NAALADL2: variants seen among roughly 807,000 people sequenced by gnomAD.
NAALADL2 encodes the protein inactive N-acetylated-alpha-linked acidic dipeptidase-like protein 2.
In NAALADL2, 76 loss-of-function variants were observed where a neutral mutation model predicts 87.2. That is an observed-to-expected ratio of 0.87 (90% CI 0.72 to 1.05). The LOEUF (loss-of-function observed/expected upper bound fraction) is 1.05. Ranked by LOEUF, NAALADL2 falls within the 50% of genes least tolerant of loss-of-function variation. The pLI is 0.00. For missense variants in NAALADL2, 1,089 were observed against 945.8 expected, an observed-to-expected ratio of 1.15 and a Z score of -1.99; for synonymous variants, 354 against 331.0, an observed-to-expected ratio of 1.07 and a Z score of -0.75.
rs191069882 is a variant in NAALADL2, at chr3:174,699,221, G to A, written c.-114-38420G>A. ...TAGTTAAATCTAAGGTGGTGGGCCG[G>A]GCACAGTGGCTCATGCCTGTAATCC... On this transcript the variant is annotated intron_variant, in intron 2 of 3. Coordinates refer to the NAALADL2 transcript ENST00000434257. Among the ~76,000 whole-genome samples the A allele has an allele frequency of 1.5e-3, 230 of 152,122 alleles. 3 individuals carry two copies. Among genetic ancestry groups the A allele is most frequent in the Admixed American group, 0.015 (227 of 15,282 alleles).
intron 1 of NAALADL2, among the ~76,000 whole-genome samples, chr3:174,954,085 G>T (rs946718147): frequency 3.3e-5 from 5 of 152,082 alleles, no homozygotes; most frequent in African/African-American, 1.2e-4. Context: ...GACCCCATTA[G>T]TGATGGCCCT....
chr3:175,760,890 C>T (rs1005443623), intron 13 of NAALADL2, among the ~76,000 whole-genome samples: 36 of 152,214 alleles, frequency 2.4e-4, no homozygotes, highest in Non-Finnish European at 1.6e-4. Context: ...TTTTTTAAAG[C>T]AGGTTTAGGC....
chr3:175,084,523 C>T (rs537235023), intron 1 of NAALADL2, among the ~76,000 whole-genome samples: 1 of 152,264 alleles, frequency 6.6e-6, no homozygotes, highest in African/African-American at 2.4e-5. Context: ...TTATTCATGC[C>T]TTAATTACAG....
chr3:175,714,362 C>T (rs1212663941), intron 11 of NAALADL2, among the ~76,000 whole-genome samples: 2 of 152,032 alleles, frequency 1.3e-5, no homozygotes, highest in African/African-American at 2.4e-5. Flanking sequence ...GTAAAAGCAT[C>T]CCTATTTCTC....
chr3:174,755,655 C>T (rs1447266227), intron 3 of NAALADL2, among the ~76,000 whole-genome samples: 3 of 152,140 alleles, frequency 2.0e-5, no homozygotes, highest in African/African-American at 7.2e-5. Context: ...GGACACATTT[C>T]CTCTTTCCCA....
intron 5 of NAALADL2, among the ~76,000 whole-genome samples, chr3:175,398,344 C>CTTTTTTTTTTTT (rs776575751): frequency 1.8e-5 from 2 of 112,090 alleles, no homozygotes; most frequent in African/African-American, 6.7e-5. Context: ...GCTTCTGCTA[C>CTTTTTTTTTTTT]TTTTTTTTTT....
chr3:174,625,994 G>A (rs1721535629), intron 2 of NAALADL2, among the ~76,000 whole-genome samples: 3 of 151,106 alleles, frequency 2.0e-5, no homozygotes, highest in Non-Finnish European at 4.4e-5. Context: ...TAATTAAAAT[G>A]TATTCAAATA....
intron 1 of NAALADL2, among the ~76,000 whole-genome samples, chr3:174,519,210 A>G (rs1362439227): frequency 6.6e-6 from 1 of 152,184 alleles, no homozygotes; most frequent in Non-Finnish European, 1.5e-5. Context: ...AACATTGTCA[A>G]AGGAAATAAT....
chr3:174,463,957 T>A (rs893610845), intron 1 of NAALADL2, among the ~76,000 whole-genome samples: 1 of 152,108 alleles, frequency 6.6e-6, no homozygotes, highest in African/African-American at 2.4e-5. Context: ...CTTTCTCTCT[T>A]AAGTGCCTGT....
chr3:174,991,507 A>G (rs1746746934), intron 1 of NAALADL2, among the ~76,000 whole-genome samples: 1 of 152,086 alleles, frequency 6.6e-6, no homozygotes, highest in Non-Finnish European at 1.5e-5. Flanking sequence ...TAAATTTTAT[A>G]TAACAACGTT....
At chr3:174,623,021 C>T (rs1442666255) in intron 2 of NAALADL2, among the ~76,000 whole-genome samples, 5 of 152,126 alleles carry the variant, frequency 3.3e-5, no homozygotes, top group African/African-American at 4.8e-5. Flanking sequence ...CCAGCCTGGA[C>T]GACAGAGTGA....
intron 1 of NAALADL2, among the ~76,000 whole-genome samples, chr3:175,093,414 T>TATATATATATATATATATATATATA (rs1553771396): frequency 5.3e-4 from 62 of 117,680 alleles, no homozygotes; most frequent in African/African-American, 2.4e-3. Flanking sequence ...CATTTTATTT[T>TATATATATATATATATATATATATA]TTTATATATA....
intron 9 of NAALADL2, among the ~76,000 whole-genome samples, chr3:175,570,202 G>A (rs573250060): frequency 6.6e-6 from 1 of 152,284 alleles, no homozygotes; most frequent in Admixed American, 6.5e-5. Flanking sequence ...GACAGAAGGA[G>A]TTCTCCCACT....
At chr3:175,087,010 T>A (rs1320527056) in intron 1 of NAALADL2, among the ~76,000 whole-genome samples, 1 of 152,154 alleles carries the variant, frequency 6.6e-6, no homozygotes, top group Non-Finnish European at 1.5e-5. Context: ...TCAGATAAAA[T>A]TCTATTTTTT....
chr3:175,098,883 A>G (rs546325360), intron 2 of NAALADL2, among the ~76,000 whole-genome samples: 83 of 137,146 alleles, frequency 6.1e-4, no homozygotes, highest in African/African-American at 2.0e-3. Context: ...AATGGTAAGG[A>G]CAATTATGTG....
intron 2 of NAALADL2, among the ~76,000 whole-genome samples, chr3:175,111,954 G>T (rs1724264351): frequency 6.6e-6 from 1 of 151,594 alleles, no homozygotes; most frequent in Non-Finnish European, 1.5e-5. Flanking sequence ...TCCAGCTAAT[G>T]TAGTGGATGA....
At chr3:175,118,703 C>G (rs9855876) in intron 2 of NAALADL2, among the ~76,000 whole-genome samples, 11,104 of 151,762 alleles carry the variant, frequency 0.073, 829 homozygotes, top group African/African-American at 0.19. Context: ...AGTTCTGGAT[C>G]AGTAAGCACT....
intron 1 of NAALADL2, among the ~76,000 whole-genome samples, chr3:175,047,537 T>C (rs2109002226): frequency 6.6e-6 from 1 of 152,288 alleles, no homozygotes; most frequent in Non-Finnish European, 1.5e-5. Flanking sequence ...ATTTTAAAAG[T>C]TGTAACATAC....
intron 2 of NAALADL2, among the ~76,000 whole-genome samples, chr3:174,716,514 T>G (rs1731205466): frequency 6.6e-6 from 1 of 152,066 alleles, no homozygotes; most frequent in Admixed American, 6.6e-5. Context: ...TAGGTTTATA[T>G]AATATAAATA....
Sources: gnomAD v4.1 joint callset for allele counts (sites outside exome capture counted in the v4.1 genomes callset) on GRCh38, gnomAD v4.1.1 for gene constraint, MANE v1.5 for transcripts, NCBI Gene and HGNC (gene_info 2026-07-23, HGNC 2026-07-21) for gene names.